AOPEP: variants seen among roughly 807,000 people sequenced by gnomAD.
AOPEP encodes the protein aminopeptidase O (putative).
A neutral mutation model predicts 98.1 loss-of-function variants in AOPEP; 77 were observed. The ratio of observed to expected loss-of-function variants is 0.78; its 90% CI spans 0.65 to 0.95. AOPEP has a LOEUF of 0.95. Ranked by LOEUF, AOPEP falls within the 40% of genes least tolerant of loss-of-function variation. The pLI is 0.00. For synonymous variants in AOPEP, 346 were observed against 365.3 expected (o/e 0.95, Z 0.60); for missense variants, 1,024 against 1,024.7 (o/e 1.00, Z 0.01).
intron 10 of AOPEP, among the ~76,000 whole-genome samples, chr9:94,977,010 A>G (rs2059891593): frequency 6.6e-6 from 1 of 152,192 alleles, no homozygotes; most frequent in Admixed American, 6.5e-5. Flanking sequence ...GATCGCTTGA[A>G]GGATGGGTGA....
At chr9:94,933,578 C>G (rs2055740216) in intron 7 of AOPEP, 3 of 985,312 alleles carry the variant, frequency 3.0e-6, no homozygotes, top group Non-Finnish European at 3.6e-6. Context: ...TCCTGAATGC[C>G]TCATCCCTTG....
chr9:95,048,128 G>GTT (rs753694878), intron 13 of AOPEP, among the ~76,000 whole-genome samples: 1 of 144,526 alleles, frequency 6.9e-6, no homozygotes, highest in African/African-American at 2.5e-5. Flanking sequence ...TTATTGGTAA[G>GTT]TTTTTTTTTT....
chr9:95,032,864 C>T (rs1396772487), intron 13 of AOPEP, among the ~76,000 whole-genome samples: 2 of 152,174 alleles, frequency 1.3e-5, no homozygotes, highest in African/African-American at 4.8e-5. Flanking sequence ...AGCCCCAGAG[C>T]TCTTTTCTGA....
At chr9:95,074,880 C>T (rs978797074) in intron 14 of AOPEP, among the ~76,000 whole-genome samples, 1 of 152,242 alleles carries the variant, frequency 6.6e-6, no homozygotes, top group Non-Finnish European at 1.5e-5. Context: ...CCGGCAGCGG[C>T]AGAGGGAAGA....
At chr9:94,728,245 A>ACACACACACACACT (rs1829717040) in intron 1 of AOPEP, among the ~76,000 whole-genome samples, 1 of 144,324 alleles carries the variant, frequency 6.9e-6, no homozygotes, top group African/African-American at 2.6e-5. Flanking sequence ...GCATGCACAC[A>ACACACACACACACT]CACACACACA....
chr9:94,845,640 G>C (rs1258174173), intron 5 of AOPEP, among the ~76,000 whole-genome samples: 1 of 152,140 alleles, frequency 6.6e-6, no homozygotes, highest in African/African-American at 2.4e-5. Context: ...TCAAATTTGG[G>C]ATATTTTGAA....
chr9:94,769,309 G>T (rs1840334655), intron 2 of AOPEP, among the ~76,000 whole-genome samples: 1 of 152,122 alleles, frequency 6.6e-6, no homozygotes, highest in African/African-American at 2.4e-5. Context: ...ACATGCATAG[G>T]ATATCAGCTT....
chr9:94,904,650 G>T (rs758310536), intron 5 of AOPEP: 2 of 152,158 alleles, frequency 1.3e-5, no homozygotes, highest in Non-Finnish European at 2.9e-5. Flanking sequence ...TCTTCTCTGG[G>T]ACTTCACTTT....
intron 5 of AOPEP, among the ~76,000 whole-genome samples, chr9:94,910,839 G>A (rs1293101469): frequency 6.6e-6 from 1 of 152,256 alleles, no homozygotes; most frequent in East Asian, 1.9e-4. Flanking sequence ...ATTTTTTGAA[G>A]TTGGAAAGGG....
At chr9:95,030,425 T>TGACCC in intron 13 of AOPEP, among the ~76,000 whole-genome samples, 1 of 152,354 alleles carries the variant, frequency 6.6e-6, no homozygotes. Context: ...TCATTGACCA[T>TGACCC]GAGTACTGGA....
At chr9:94,792,464 A>T (rs1845935586) in intron 3 of AOPEP, among the ~76,000 whole-genome samples, 1 of 152,146 alleles carries the variant, frequency 6.6e-6, no homozygotes, top group African/African-American at 2.4e-5. Context: ...AGGAGCATAC[A>T]GCCTGTGGCC....
At chr9:95,080,997 G>A (rs2069689438) in intron 15 of AOPEP, 8 of 551,704 alleles carry the variant, frequency 1.5e-5, no homozygotes, top group Non-Finnish European at 2.3e-5. Context: ...CTTCAATGCC[G>A]CCTTGTGGCC....
At chr9:94,937,332 G>A (rs911360987) in intron 7 of AOPEP, among the ~76,000 whole-genome samples, 5 of 152,236 alleles carry the variant, frequency 3.3e-5, no homozygotes, top group Non-Finnish European at 2.9e-5. Flanking sequence ...TCTTCTCGCT[G>A]TGTCCTCAAG....
intron 5 of AOPEP, among the ~76,000 whole-genome samples, chr9:94,823,951 C>A (rs1853871678): frequency 6.6e-6 from 1 of 152,008 alleles, no homozygotes; most frequent in South Asian, 2.1e-4. Context: ...CTATGCAGTC[C>A]CTGGCATGGA....
intron 16 of AOPEP, chr9:95,085,874 C>T: frequency 1.7e-6 from 2 of 1,190,602 alleles, no homozygotes; most frequent in Non-Finnish European, 2.1e-6. Flanking sequence ...CGGGGCGGGG[C>T]TTTCGGAGGA....
In AOPEP at chr9:94,772,988, T is replaced by C; in HGVS notation, c.798-14T>C. The C allele has an allele frequency of 6.4e-7, 1 of 1,568,306 alleles. No homozygotes were observed. Among genetic ancestry groups the C allele is most frequent in the Non-Finnish European group, 8.7e-7 (1 of 1,152,214 alleles). ...AAGATTCACCCCCTTTCTTTCTTTG[T>C]CTCTCTTCTGCAGGCCATGTGTTTA... is the stretch of plus-strand genomic sequence containing the variant. On this transcript the variant is annotated splice_polypyrimidine_tract_variant and intron_variant, in intron 2 of 16. Transcript: ENST00000375315.
At chr9:94,878,381 G>C (rs1424428625) in intron 5 of AOPEP, among the ~76,000 whole-genome samples, 1 of 151,144 alleles carries the variant, frequency 6.6e-6, no homozygotes, top group African/African-American at 2.4e-5. Flanking sequence ...ACAGGTGTGG[G>C]TGTGAGAAGA....
chr9:95,023,261 A>G (rs187917461), intron 13 of AOPEP, among the ~76,000 whole-genome samples: 34 of 152,338 alleles, frequency 2.2e-4, no homozygotes, highest in Non-Finnish European at 4.0e-4. Flanking sequence ...GAGAGCTGAT[A>G]GGAGAGACCA....
In AOPEP at chr9:94,811,473, C is replaced by G. The variant is rs78877040; in HGVS notation, c.1364+10471C>G. Among the ~76,000 whole-genome samples the G allele has an allele frequency of 7.3e-3, 1,119 of 152,288 alleles. 15 individuals carry two copies. The highest frequency in any genetic ancestry group is 0.026 in the African/African-American group (1,080 of 41,550). ...CCCTTGGCCTTTCCCTCCCTGCCCC[C>G]AGACCTCTTCCGTCTGGGCTCTCTC... On this transcript the variant is annotated intron_variant, in intron 5 of 16. Transcript: ENST00000375315.
Sources: allele counts gnomAD v4.1 joint callset (sites outside exome capture counted in the v4.1 genomes callset), GRCh38; gene constraint gnomAD v4.1.1; transcripts MANE v1.5; gene names NCBI Gene and HGNC (gene_info 2026-07-23, HGNC 2026-07-21).